KLF16: variants seen among roughly 807,000 people sequenced by gnomAD.
KLF16 encodes the protein KLF transcription factor 16, also known as Krueppel-like factor 16.
A neutral mutation model predicts 6.1 loss-of-function variants in KLF16; 6 were observed. The observed-to-expected ratio is 0.98, with a 90% CI of 0.54 to 1.93. KLF16 has a LOEUF of 1.93. KLF16 is among the 30% of genes most tolerant of loss of function. KLF16 has a pLI of 0.01. For missense variants in KLF16, 355 were observed against 363.8 expected, an observed-to-expected ratio of 0.98 and a Z score of 0.20; for synonymous variants, 211 against 176.5, an observed-to-expected ratio of 1.20 and a Z score of -1.55.
rs944878851 is a variant in KLF16, at chr19:1,863,120, G to A, written c.378C>T (p.Ser126=). The stretch of plus-strand genomic sequence containing the variant: ...CGCAGTCCGGGAAGGGACAGCGGTG[G>A]CTCTTGGCGGCGGCGGAGGGCGCGG... ...PGAAPSAAAK[S]HRCPFPDCAK... is the part of the protein sequence containing the mutation. Residue 126 remains serine (S), a synonymous_variant, in exon 1 of 2, where the codon AGC becomes AGT. Coordinates refer to ENST00000250916, the MANE Select transcript of KLF16 (RefSeq NM_031918.4). 1.5e-6 allele frequency: 2 copies of A among 1,350,240 alleles called. No homozygotes were observed. Among genetic ancestry groups the A allele is most frequent in the African/African-American group, 3.1e-5 (2 of 65,152 alleles). The allele number at this position is 1,350,240 out of a possible 1,614,324, so 83.6% of individuals were successfully genotyped here.
At chr19:1,867,947 T>TGTGTGTGTGTGCGTGC (rs1157782954), upstream of KLF16, among the ~76,000 whole-genome samples, 1 of 151,756 alleles carries the variant, frequency 6.6e-6, no homozygotes, top group Non-Finnish European at 1.5e-5. Flanking sequence ...TGTGTGTGTG[T>TGTGTGTGTGTGCGTGC]GTGTGTGTGT....
rs2011973640 is a variant in KLF16, at chr19:1,857,294, A to G, written c.458-2534T>C. Among the ~76,000 whole-genome samples, 1 of 152,132 alleles carries G rather than the reference A, an allele frequency of 6.6e-6. No individual in the cohort carries two copies. Among genetic ancestry groups the G allele is most frequent in the African/African-American group, 2.4e-5 (1 of 41,440 alleles). On this transcript the variant is annotated intron_variant, in intron 1 of 1. Transcript: ENST00000250916. The surrounding 1 kb of genome is among the most constrained non-coding windows in gnomAD (Gnocchi z 4.7). ...ACTCGCAGGGAGGAGGGTGGGGTGA[A>G]CTTGTGGGGGCCCAGAGCGCGCTGC...
chr19:1,867,124 G>A (rs1324532838), upstream of KLF16, among the ~76,000 whole-genome samples: 1 of 152,306 alleles, frequency 6.6e-6, no homozygotes, highest in Admixed American at 6.5e-5. Context: ...AGAACACAAC[G>A]GGACTCTCAG....
chr19:1,868,226 G>T (rs140058924), upstream of KLF16, among the ~76,000 whole-genome samples: 8 of 152,246 alleles, frequency 5.3e-5, no homozygotes, highest in African/African-American at 1.9e-4. Flanking sequence ...GGGCTGGACT[G>T]AGGGACTCGC....
chr19:1,855,179 T>A (rs767313500), intron 1 of KLF16, among the ~76,000 whole-genome samples: 1 of 152,220 alleles, frequency 6.6e-6, no homozygotes, highest in Non-Finnish European at 1.5e-5. Flanking sequence ...GCCTTCAGGC[T>A]GTCCCTGCCC....
intron 1 of KLF16, chr19:1,862,644 G>C: frequency 4.9e-6 from 1 of 206,058 alleles, no homozygotes; most frequent in Non-Finnish European, 9.7e-6. Flanking sequence ...GAGGCTGGGG[G>C]AGGGGGAGAA....
At chr19:1,870,989 C>CT in the KLF16 span, among the ~76,000 whole-genome samples, 2 of 152,148 alleles carry the variant, frequency 1.3e-5, no homozygotes, top group Non-Finnish European at 2.9e-5. Flanking sequence ...GAGTGAGACT[C>CT]TGTCTCAAAA....
chr19:1,871,487 G>A, the KLF16 span, among the ~76,000 whole-genome samples: 1 of 152,166 alleles, frequency 6.6e-6, no homozygotes, highest in African/African-American at 2.4e-5. Context: ...ACCCCCCCGG[G>A]GCTGGCGCTC....
chr19:1,859,672 C>T (rs1397544849), intron 1 of KLF16, among the ~76,000 whole-genome samples: 1 of 152,106 alleles, frequency 6.6e-6, no homozygotes, highest in East Asian at 1.9e-4. Flanking sequence ...AAGCGCTTTC[C>T]GTCATCACTA....
At chr19:1,862,526 C>A (rs995901863) in intron 1 of KLF16, among the ~76,000 whole-genome samples, 1 of 152,114 alleles carries the variant, frequency 6.6e-6, no homozygotes, top group East Asian at 1.9e-4. Flanking sequence ...CGGGCTCCCC[C>A]CATCCTGGCC....
At chr19:1,862,222 C>T (rs2012080173) in intron 1 of KLF16, among the ~76,000 whole-genome samples, 1 of 152,088 alleles carries the variant, frequency 6.6e-6, no homozygotes, top group South Asian at 2.1e-4. Context: ...TAGGAGGGGA[C>T]GGAGTGAAAA....
At chr19:1,859,280 G>A (rs2012014972) in intron 1 of KLF16, among the ~76,000 whole-genome samples, 1 of 151,974 alleles carries the variant, frequency 6.6e-6, no homozygotes, top group Non-Finnish European at 1.5e-5. Flanking sequence ...CTGTCCTCCT[G>A]GGGCCCTCTT....
upstream of KLF16, among the ~76,000 whole-genome samples, chr19:1,865,350 G>A (rs1395168101): frequency 6.6e-6 from 1 of 152,244 alleles, no homozygotes; most frequent in Non-Finnish European, 1.5e-5. Context: ...TGGGCCACTT[G>A]GGCAGGTCCC....
intron 1 of KLF16, among the ~76,000 whole-genome samples, chr19:1,861,252 T>C (rs1357411517): frequency 6.6e-6 from 1 of 151,878 alleles, no homozygotes; most frequent in Non-Finnish European, 1.5e-5. Flanking sequence ...ACCCAGAAAC[T>C]CAGAAAACCC....
At chr19:1,864,260 C>T, upstream of KLF16, among the ~76,000 whole-genome samples, 1 of 148,528 alleles carries the variant, frequency 6.7e-6, no homozygotes, top group Non-Finnish European at 1.5e-5. Flanking sequence ...GCCGGCCCCG[C>T]CCCCAGGCCA....
chr19:1,854,337 G>C lies in KLF16; in HGVS notation c.*122C>G, dbSNP rs1424074935. 5 of 1,218,124 alleles carry C rather than the reference G, an allele frequency of 4.1e-6. No homozygotes were observed. The highest frequency in any genetic ancestry group is 8.2e-5 in the Admixed American group (2 of 24,386). 75.5% of individuals were successfully genotyped at this position (1,218,124 alleles called of 1,614,324 possible). A position where few individuals can be genotyped will look rare whatever the true frequency, so the allele number is the denominator to read the frequency against. ...CAGGCCCCCTCCTCACTCTCTGGAG[G>C]GGGGCAGGGGTGTCTTCAGGGTTTG... On this transcript the variant is annotated 3_prime_UTR_variant, in exon 2 of 2. Transcript: ENST00000250916.
rs1310502610 is a variant in KLF16 at position 1,854,217 on chromosome 19, G to T, written c.*242C>A. ...CTGGGGGGGCCCCGTTGCACAGATG[G>T]GAAGAAAGTTAGTATCATGGCTATT... is the stretch of plus-strand genomic sequence containing the variant. On this transcript the variant is annotated 3_prime_UTR_variant, in exon 2 of 2. Coordinates refer to ENST00000250916, the MANE Select transcript of KLF16 (RefSeq NM_031918.4). 1.1e-5 allele frequency: 5 copies of T among 455,516 alleles called. No individual in the cohort carries two copies. The highest frequency in any genetic ancestry group is 4.5e-5 in the Admixed American group (1 of 22,466). The allele number at this position is 455,516 out of a possible 1,614,324, so 28.2% of individuals were successfully genotyped here. A position where few individuals can be genotyped will look rare whatever the true frequency, so the allele number is the denominator to read the frequency against.
upstream of KLF16, among the ~76,000 whole-genome samples, chr19:1,867,297 C>T (rs1343865557): frequency 6.6e-6 from 1 of 152,156 alleles, no homozygotes; most frequent in African/African-American, 2.4e-5. Flanking sequence ...GGGCCGGGTG[C>T]AGTGACTCAC....
At chr19:1,855,232 C>T (rs1367665505) in intron 1 of KLF16, among the ~76,000 whole-genome samples, 1 of 152,196 alleles carries the variant, frequency 6.6e-6, no homozygotes, top group Non-Finnish European at 1.5e-5. Context: ...TGCATGATCC[C>T]CTCCTTTTCC....
Sources: allele counts gnomAD v4.1 joint callset (sites outside exome capture counted in the v4.1 genomes callset), GRCh38; gene constraint gnomAD v4.1.1; non-coding constraint Gnocchi (gnomAD v3.1); transcripts MANE v1.5; gene names NCBI Gene and HGNC (gene_info 2026-07-23, HGNC 2026-07-21).